PCDH11X: variants seen among roughly 807,000 people sequenced by gnomAD.
PCDH11X encodes the protein protocadherin-11 X-linked.
In PCDH11X, 18 loss-of-function variants were observed where a neutral mutation model predicts 53.3. That is an observed-to-expected ratio of 0.34 (90% CI 0.23 to 0.50). The LOEUF (loss-of-function observed/expected upper bound fraction) is 0.50, where lower values mean the gene tolerates loss of function less well. Ranked by LOEUF, PCDH11X falls within the 20% of genes least tolerant of loss-of-function variation. The pLI is 0.98. For missense variants in PCDH11X, 570 were observed against 1,032.4 expected, an observed-to-expected ratio of 0.55 and a Z score of 6.14; for synonymous variants, 279 against 393.3, an observed-to-expected ratio of 0.71 and a Z score of 3.44.
chrX:91,909,143 G>A (rs1941290864), intron 6 of PCDH11X, among the ~76,000 whole-genome samples: 1 of 110,763 alleles, frequency 9.0e-6, no homozygotes, highest in African/African-American at 3.3e-5. Flanking sequence ...TTCAAAACAA[G>A]CTATTTGAAA....
chrX:92,135,740 T>C (rs1342117503), intron 6 of PCDH11X, among the ~76,000 whole-genome samples: 2 of 99,193 alleles, frequency 2.0e-5, no homozygotes, highest in African/African-American at 7.8e-5. Context: ...ATTATGTACA[T>C]AGATGTGTGT....
intron 10 of PCDH11X, among the ~76,000 whole-genome samples, chrX:92,610,609 T>C (rs1173786113): frequency 2.7e-5 from 3 of 110,550 alleles, no homozygotes; most frequent in Admixed American, 9.7e-5. Flanking sequence ...TTAGGTCCCA[T>C]TTGTCAATTT....
At chrX:92,087,267 T>A (rs1221809088) in intron 6 of PCDH11X, among the ~76,000 whole-genome samples, 2 of 107,908 alleles carry the variant, frequency 1.9e-5, no homozygotes. Flanking sequence ...GCTAATTTTG[T>A]ATTTTTTAGT....
intron 7 of PCDH11X, among the ~76,000 whole-genome samples, chrX:92,227,206 C>T (rs758864408): frequency 9.0e-6 from 1 of 111,327 alleles, no homozygotes; most frequent in African/African-American, 3.3e-5. Flanking sequence ...TTCCTTCAAC[C>T]TCTTTTATTT....
intron 8 of PCDH11X, among the ~76,000 whole-genome samples, chrX:92,293,407 G>A (rs2068532637): frequency 9.1e-6 from 1 of 110,142 alleles, no homozygotes; most frequent in Non-Finnish European, 1.9e-5. Flanking sequence ...GGCAGATCAT[G>A]AGGTCAGGAG....
intron 6 of PCDH11X, among the ~76,000 whole-genome samples, chrX:91,898,680 C>T (rs1036818021): frequency 9.4e-5 from 9 of 96,203 alleles, no homozygotes; most frequent in African/African-American, 3.5e-4. Flanking sequence ...GAGTTTTAAT[C>T]TCCTGACTTT....
At chrX:91,969,171 GT>G (rs1703800882) in intron 6 of PCDH11X, among the ~76,000 whole-genome samples, 1 of 109,682 alleles carries the variant, frequency 9.1e-6, no homozygotes, top group African/African-American at 3.3e-5. Context: ...AAGGAATGTA[GT>G]TGGTATAAAA....
Position 92,260,511 on chromosome X carries a change from G to A in PCDH11X, c.3115-2603G>A, listed in dbSNP as rs138006689. Among the ~76,000 whole-genome samples the A allele has an allele frequency of 4.3e-3, 478 of 110,662 alleles. 2 individuals are homozygous for A. Among genetic ancestry groups the A allele is most frequent in the Non-Finnish European group, 8.1e-3 (427 of 52,877 alleles). ...CGATTCAGGACTGTTTTTTTCTATC[G>A]CTCCAATGCCTCTTTCAGGGATACA... On this transcript the variant is annotated intron_variant, in intron 7 of 10. Transcript: ENST00000682573.
chrX:92,321,964 G>C lies in PCDH11X; in HGVS notation c.3144+58821G>C, dbSNP rs139014801. 3.2e-3 allele frequency among the ~76,000 whole-genome samples: 332 copies of C among 105,262 alleles called. 6 individuals are homozygous for C. The East Asian group carries it at 0.065, about 21-fold the overall frequency. The allele number at this position is 105,262 out of a possible 115,157, so 91.4% of individuals were successfully genotyped here. On this transcript the variant is annotated intron_variant, in intron 8 of 10. Coordinates refer to ENST00000682573, the MANE Select transcript of PCDH11X (RefSeq NM_032968.5). ...TGCAGCTTTCACATAAGTGCACGTA[G>C]AGCATACAAAATATTTTCTATTTTT...
intron 6 of PCDH11X, among the ~76,000 whole-genome samples, chrX:91,911,880 G>C (rs750929313): frequency 9.0e-6 from 1 of 110,715 alleles, no homozygotes; most frequent in South Asian, 3.9e-4. Context: ...TGGGTGGTAT[G>C]GACATTTTAA....
chrX:92,208,306 A>G (rs1188372287), intron 7 of PCDH11X, among the ~76,000 whole-genome samples: 1 of 104,432 alleles, frequency 9.6e-6, no homozygotes, highest in South Asian at 4.4e-4. Flanking sequence ...TTTTCATTAC[A>G]AACCTGTGAC....
chrX:92,368,986 A>T (rs770000303), intron 8 of PCDH11X, among the ~76,000 whole-genome samples: 1,467 of 98,610 alleles, frequency 0.015, 40 homozygotes, highest in African/African-American at 0.053. Flanking sequence ...TCAGGGACCT[A>T]CTTGAGGAGG....
intron 6 of PCDH11X, among the ~76,000 whole-genome samples, chrX:92,069,119 C>T (rs927163458): frequency 2.7e-5 from 3 of 110,696 alleles, no homozygotes; most frequent in African/African-American, 9.9e-5. Flanking sequence ...CTCTCTTCAG[C>T]TCTAATAATA....
At chrX:92,476,077 G>A (rs1260164740) in intron 10 of PCDH11X, among the ~76,000 whole-genome samples, 1 of 111,159 alleles carries the variant, frequency 9.0e-6, no homozygotes, top group Non-Finnish European at 1.9e-5. Context: ...CATGGGGATG[G>A]GCTTTTCCCA....
chrX:92,540,218 A>G (rs2074732784), intron 10 of PCDH11X, among the ~76,000 whole-genome samples: 1 of 110,700 alleles, frequency 9.0e-6, no homozygotes, highest in Non-Finnish European at 1.9e-5. Flanking sequence ...ACAAAACCTT[A>G]CAAATTTACC....
intron 6 of PCDH11X, among the ~76,000 whole-genome samples, chrX:92,131,272 A>C (rs188618742): frequency 8.9e-6 from 1 of 112,225 alleles, no homozygotes; most frequent in East Asian, 2.8e-4. Context: ...CCAAGTCCTA[A>C]AGTGAGGACA....
intron 6 of PCDH11X, among the ~76,000 whole-genome samples, chrX:91,968,575 A>G (rs1460823782): frequency 9.0e-6 from 1 of 111,383 alleles, no homozygotes; most frequent in African/African-American, 3.3e-5. Flanking sequence ...TTTTAGTCTT[A>G]GCTTAATTTT....
intron 7 of PCDH11X, among the ~76,000 whole-genome samples, chrX:92,249,759 T>G (rs1397924890): frequency 8.9e-6 from 1 of 112,027 alleles, no homozygotes; most frequent in Non-Finnish European, 1.9e-5. Flanking sequence ...GCATTGGTTT[T>G]TATCCCCTTT....
chrX:92,153,574 T>G (rs2065477653), intron 6 of PCDH11X, among the ~76,000 whole-genome samples: 1 of 111,218 alleles, frequency 9.0e-6, no homozygotes. Flanking sequence ...ACTTAGAGAA[T>G]GGAGGCATTT....
Sources: allele counts gnomAD v4.1 joint callset (sites outside exome capture counted in the v4.1 genomes callset), GRCh38; gene constraint gnomAD v4.1.1; transcripts MANE v1.5; gene names NCBI Gene and HGNC (gene_info 2026-07-23, HGNC 2026-07-21).